The following CLN3 variants were observed in gnomAD, a reference collection of about 807,000 sequenced individuals.
CLN3 encodes the protein battenin.
A neutral mutation model predicts 60.7 loss-of-function variants in CLN3; 49 were observed. The ratio of observed to expected loss-of-function variants is 0.81; its 90% confidence interval spans 0.64 to 1.02. CLN3 has a LOEUF of 1.02. Ranked by LOEUF, CLN3 falls within the 50% of genes least tolerant of loss-of-function variation. The pLI, the probability that CLN3 is intolerant of heterozygous loss-of-function variation, is 0.00. For synonymous variants in CLN3, 256 were observed against 245.8 expected, an observed-to-expected ratio of 1.04 and a Z score of -0.39; for missense variants, 516 against 557.4, an observed-to-expected ratio of 0.93 and a Z score of 0.75.
At chr16:28,473,194 T>G (rs996277644), downstream of CLN3, among the ~76,000 whole-genome samples, 7 of 151,932 alleles carry the variant, frequency 4.6e-5, no homozygotes, top group Admixed American at 3.3e-4. Flanking sequence ...AACCTCCACC[T>G]CTCGGGCTCA....
intron 7 of CLN3, chr16:28,486,929 G>T: frequency 2.1e-6 from 1 of 484,780 alleles, no homozygotes; most frequent in Non-Finnish European, 3.8e-6. Flanking sequence ...TTTCTTTTTG[G>T]AGACGGAGTC....
At chr16:28,474,792 A>G (rs1413181110), downstream of CLN3, among the ~76,000 whole-genome samples, 5 of 152,192 alleles carry the variant, frequency 3.3e-5, no homozygotes, top group East Asian at 7.7e-4. Flanking sequence ...ATATCCATCA[A>G]CTAACAAATG....
At chr16:28,472,900 G>A (rs180988791), downstream of CLN3, among the ~76,000 whole-genome samples, 945 of 147,938 alleles carry the variant, frequency 6.4e-3, 6 homozygotes, top group African/African-American at 0.02. Flanking sequence ...GCCTCCCAAA[G>A]TGCTGGGATT....
downstream of CLN3, among the ~76,000 whole-genome samples, chr16:28,473,159 C>T (rs2045965740): frequency 6.6e-6 from 1 of 151,718 alleles, no homozygotes; most frequent in Admixed American, 6.6e-5. Context: ...GGCTGGAGTG[C>T]AATGGTTCAA....
chr16:28,481,440 ACACACACACACACG>A (rs1349682940), intron 14 of CLN3, among the ~76,000 whole-genome samples: 1 of 133,692 alleles, frequency 7.5e-6, no homozygotes, highest in Non-Finnish European at 1.6e-5. Flanking sequence ...ACACACACAC[ACACACACACACACG>A]CACACACACA....
chr16:28,485,684 T>TA (rs758152793), intron 9 of CLN3, among the ~76,000 whole-genome samples: 4,218 of 84,522 alleles, frequency 0.05, 454 homozygotes, highest in African/African-American at 0.18. Flanking sequence ...CAACACTGAT[T>TA]AAAAAAAAAA....
At chr16:28,486,860 A>T in intron 7 of CLN3, 3 of 635,938 alleles carry the variant, frequency 4.7e-6, no homozygotes, top group Non-Finnish European at 8.6e-6. Flanking sequence ...CAGTTATCAG[A>T]CCAGGGGCAG....
At chr16:28,473,279 TC>T (rs2045966801), downstream of CLN3, among the ~76,000 whole-genome samples, 1 of 152,104 alleles carries the variant, frequency 6.6e-6, no homozygotes, top group African/African-American at 2.4e-5. Flanking sequence ...TTTTCTTTTT[TC>T]TTTTTTTGCC....
chr16:28,481,458 A>ACGCG (rs1301699816), intron 14 of CLN3, among the ~76,000 whole-genome samples: 2 of 128,942 alleles, frequency 1.6e-5, no homozygotes, highest in African/African-American at 2.8e-5. Context: ...ACACACGCAC[A>ACGCG]CACACACACA....
intron 9 of CLN3, among the ~76,000 whole-genome samples, chr16:28,485,541 C>T (rs1196084052): frequency 8.2e-6 from 1 of 121,908 alleles, no homozygotes; most frequent in Non-Finnish European, 1.6e-5. Flanking sequence ...CACTGCACTC[C>T]AGCCTGAGTG....
At chr16:28,473,380 G>T (rs185449410), downstream of CLN3, among the ~76,000 whole-genome samples, 1 of 151,914 alleles carries the variant, frequency 6.6e-6, no homozygotes, top group Non-Finnish European at 1.5e-5. Flanking sequence ...CACCACGCCC[G>T]GCCTCCTTTT....
rs375311626 is a variant in CLN3 at position 28,487,758 on chromosome 16, G to C, written c.295-17C>G. 2 of 1,603,876 alleles carry C rather than the reference G, an allele frequency of 1.2e-6. No individual in the cohort carries two copies. Among genetic ancestry groups the C allele is most frequent in the South Asian group, 2.2e-5 (2 of 90,366 alleles). Reference sequence around the variant, plus strand: ...GAGCACAGCCTGGGACAGGAGAATAGAGTGAGACCGCAGAGCTTCCAGGGG... The same window carrying C: ...GAGCACAGCCTGGGACAGGAGAATACAGTGAGACCGCAGAGCTTCCAGGGG... On this transcript the variant is annotated splice_polypyrimidine_tract_variant and intron_variant, in intron 5 of 15. Transcript: ENST00000636147.
intron 12 of CLN3, 27 bp from the exon 13 acceptor site, chr16:28,482,409 TG>T: frequency 1.2e-6 from 2 of 1,613,946 alleles, no homozygotes; most frequent in South Asian, 1.1e-5. Flanking sequence ...ACAGGGGAGA[TG>T]GACGGGGCTG....
At chr16:28,472,236 G>T (rs1302721840), downstream of CLN3, among the ~76,000 whole-genome samples, 1 of 151,954 alleles carries the variant, frequency 6.6e-6, no homozygotes, top group Admixed American at 6.6e-5. Context: ...AACATAGTGA[G>T]ACACCGTCTC....
chr16:28,486,904 G>C, intron 7 of CLN3: 1 of 564,304 alleles, frequency 1.8e-6, no homozygotes, highest in South Asian at 2.0e-5. Flanking sequence ...CCCTTCATCA[G>C]TCTTTTTCTT....
At chr16:28,479,658 A>G in intron 14 of CLN3, 1 of 168,452 alleles carries the variant, frequency 5.9e-6, no homozygotes, top group Non-Finnish European at 1.3e-5. Context: ...AATCCCAGCT[A>G]CTCGGAAGGC....
chr16:28,482,233 C>T (rs201945780), intron 13 of CLN3, 35 bp from the exon 14 acceptor site: 1 of 1,604,648 alleles, frequency 6.2e-7, no homozygotes, highest in East Asian at 2.2e-5. Flanking sequence ...GAGGAGGCTC[C>T]TCCAGGGACC....
At chr16:28,491,286 G>C (rs1304063722) in intron 3 of CLN3, among the ~76,000 whole-genome samples, 196 bp downstream of exon 3, 1 of 152,206 alleles carries the variant, frequency 6.6e-6, no homozygotes, top group African/African-American at 2.4e-5. Context: ...TAGGTATGAG[G>C]ATCTTGCTAA....
chr16:28,489,566 G>C (rs2046278787), intron 3 of CLN3, among the ~76,000 whole-genome samples, 180 bp from the exon 4 acceptor site: 1 of 152,026 alleles, frequency 6.6e-6, no homozygotes, highest in Non-Finnish European at 1.5e-5. Context: ...GCTTGGGCAA[G>C]ATAGTGAGAC....
Sources: allele counts gnomAD v4.1 joint callset (sites outside exome capture counted in the v4.1 genomes callset), GRCh38; gene constraint gnomAD v4.1.1; transcripts MANE v1.5; gene names NCBI Gene and HGNC (gene_info 2026-07-23, HGNC 2026-07-21).